NECAB1: variants seen among roughly 807,000 people sequenced by gnomAD.
NECAB1 encodes N-terminal EF-hand calcium-binding protein 1.
In NECAB1, 29 loss-of-function variants were observed where a neutral mutation model predicts 57.5. That is an observed-to-expected ratio of 0.50 (90% confidence interval 0.38 to 0.69). The LOEUF is 0.69. NECAB1 is among the 30% of genes least tolerant of loss of function. The probability of loss-of-function intolerance (pLI) is 0.00; values close to 1 mark genes in which losing one functional copy is unlikely to be tolerated. For synonymous variants in NECAB1, 142 were observed against 147.7 expected, an observed-to-expected ratio of 0.96 and a Z score of 0.28; for missense variants, 372 against 413.8, an observed-to-expected ratio of 0.90 and a Z score of 0.88.
At chr8:90,853,889 G>A (rs367569205) in intron 3 of NECAB1, among the ~76,000 whole-genome samples, 47 of 152,028 alleles carry the variant, frequency 3.1e-4, no homozygotes, top group African/African-American at 1.1e-3. Context: ...AGGGATTTAT[G>A]TAGTGGGTAA....
chr8:90,940,654 T>C lies in NECAB1; in HGVS notation c.748-132T>C, dbSNP rs942195397. The C allele has an allele frequency of 1.1e-5, 7 of 666,552 alleles. No homozygotes were observed. In the African/African-American group the frequency reaches 1.1e-4, roughly 10 times the overall value. The allele number at this position is 666,552 out of a possible 1,614,324, so 41.3% of individuals were successfully genotyped here. A position where few individuals can be genotyped will look rare whatever the true frequency, so the allele number is the denominator to read the frequency against. On this transcript the variant is annotated intron_variant, in intron 9 of 12. Transcript: ENST00000417640. The stretch of plus-strand genomic sequence containing the variant: ...TACAGTTTTATACTTGGAATAGTCA[T>C]GGCCTTCCTTGGTCATATTTTTGGA...
intron 8 of NECAB1, among the ~76,000 whole-genome samples, chr8:90,933,433 G>T (rs1280416279): frequency 2.0e-5 from 3 of 152,162 alleles, no homozygotes; most frequent in Non-Finnish European, 2.9e-5. Context: ...GTAGCAACCT[G>T]GATGGGACTG....
intron 5 of NECAB1, among the ~76,000 whole-genome samples, chr8:90,893,060 T>C (rs1417895282): frequency 1.3e-5 from 2 of 152,204 alleles, no homozygotes; most frequent in African/African-American, 2.4e-5. Context: ...TCTTGCCATA[T>C]AGTGATCCTT....
At chr8:90,948,149 C>G (rs1336123288) in intron 10 of NECAB1, among the ~76,000 whole-genome samples, 2 of 152,130 alleles carry the variant, frequency 1.3e-5, no homozygotes, top group Non-Finnish European at 1.5e-5. Context: ...CCCTTTGAAA[C>G]TATGATGAAA....
intron 5 of NECAB1, among the ~76,000 whole-genome samples, chr8:90,895,082 C>A (rs1008916646): frequency 6.6e-6 from 1 of 152,092 alleles, no homozygotes; most frequent in Admixed American, 6.6e-5. Context: ...TGGGAACAGA[C>A]ACATATGATT....
At chr8:90,935,616 G>A (rs934684837) in intron 9 of NECAB1, among the ~76,000 whole-genome samples, 4 of 152,002 alleles carry the variant, frequency 2.6e-5, no homozygotes. Context: ...TTTGCATAGA[G>A]GAAAAACTAT....
chr8:90,935,948 C>T (rs117020604), intron 9 of NECAB1, among the ~76,000 whole-genome samples: 2,734 of 152,226 alleles, frequency 0.018, 47 homozygotes, highest in Non-Finnish European at 0.028. Context: ...TCCCTATTTC[C>T]AGCCATATAT....
chr8:90,825,907 T>C (rs900965460), intron 3 of NECAB1, among the ~76,000 whole-genome samples: 3 of 151,856 alleles, frequency 2.0e-5, no homozygotes, highest in Non-Finnish European at 4.4e-5. Flanking sequence ...TGGTACAACA[T>C]GGAACCAGCT....
chr8:90,907,041 A>G (rs1030931833), intron 5 of NECAB1, among the ~76,000 whole-genome samples: 1 of 150,206 alleles, frequency 6.7e-6, no homozygotes, highest in Non-Finnish European at 1.5e-5. Flanking sequence ...ACATGCCACC[A>G]TGCCTGGCTA....
chr8:90,816,631 T>A (rs1426546887), intron 2 of NECAB1, among the ~76,000 whole-genome samples: 1 of 151,844 alleles, frequency 6.6e-6, no homozygotes, highest in Non-Finnish European at 1.5e-5. Context: ...CAACAATCAG[T>A]TGACTATACT....
chr8:90,836,119 G>T (rs1488391630), intron 3 of NECAB1, among the ~76,000 whole-genome samples: 1 of 152,086 alleles, frequency 6.6e-6, no homozygotes, highest in Non-Finnish European at 1.5e-5. Flanking sequence ...TGTAAATGTG[G>T]ATTATTTTCA....
At chr8:90,873,131 G>A (rs1030349943) in intron 4 of NECAB1, among the ~76,000 whole-genome samples, 14 of 152,144 alleles carry the variant, frequency 9.2e-5, no homozygotes, top group Admixed American at 2.0e-4. Flanking sequence ...AACAAAATGA[G>A]CATAATCTCC....
At chr8:90,825,399 C>T (rs1389572658) in intron 3 of NECAB1, among the ~76,000 whole-genome samples, 4 of 151,836 alleles carry the variant, frequency 2.6e-5, no homozygotes, top group Admixed American at 2.0e-4. Context: ...TTTATATTCT[C>T]ACTATGCTTA....
intron 3 of NECAB1, among the ~76,000 whole-genome samples, chr8:90,848,955 CA>C (rs1397112593): frequency 2.0e-5 from 3 of 152,134 alleles, no homozygotes; most frequent in African/African-American, 7.2e-5. Context: ...CCATCTCAAT[CA>C]ATCAATAAGA....
chr8:90,958,951 G>C lies in NECAB1; in HGVS notation c.*3439G>C. 1 of 1,091,820 alleles carries C rather than the reference G, an allele frequency of 9.2e-7. No individual in the cohort carries two copies. Among genetic ancestry groups the C allele is most frequent in the Non-Finnish European group, 1.3e-6 (1 of 768,484 alleles). 67.6% of individuals were successfully genotyped at this position (1,091,820 alleles called of 1,614,324 possible). A position where few individuals can be genotyped will look rare whatever the true frequency, so the allele number is the denominator to read the frequency against. On this transcript the variant is annotated 3_prime_UTR_variant, in exon 13 of 13. Transcript: ENST00000417640. ...GTCACAGTCCATTACAGTTATTGTTGCTAGATCCACCTCATTTGCAGATGT... is the reference window on the plus strand; with the variant it reads ...GTCACAGTCCATTACAGTTATTGTTCCTAGATCCACCTCATTTGCAGATGT...
intron 5 of NECAB1, among the ~76,000 whole-genome samples, chr8:90,884,127 A>G (rs1808914320): frequency 1.3e-5 from 2 of 152,188 alleles, no homozygotes; most frequent in African/African-American, 4.8e-5. Context: ...ATTAAAATGT[A>G]TATATATTTT....
At chr8:90,853,664 A>G (rs773977888) in intron 3 of NECAB1, among the ~76,000 whole-genome samples, 3 of 152,284 alleles carry the variant, frequency 2.0e-5, no homozygotes, top group Non-Finnish European at 2.9e-5. Context: ...TCTATATTCA[A>G]TTTTATCTTT....
intron 7 of NECAB1, 102 bp downstream of exon 7, chr8:90,925,758 C>T: frequency 6.9e-7 from 1 of 1,447,990 alleles, no homozygotes; most frequent in Admixed American, 2.0e-5. Flanking sequence ...AGTAATGGAA[C>T]ACTTTCCTTA....
intron 5 of NECAB1, among the ~76,000 whole-genome samples, chr8:90,886,675 G>A (rs1809001258): frequency 6.6e-6 from 1 of 151,926 alleles, no homozygotes; most frequent in South Asian, 2.1e-4. Flanking sequence ...GAGAGCCACA[G>A]CACCTGTCTT....
Sources: allele counts gnomAD v4.1 joint callset (sites outside exome capture counted in the v4.1 genomes callset), GRCh38; gene constraint gnomAD v4.1.1; transcripts MANE v1.5; gene names NCBI Gene and HGNC (gene_info 2026-07-23, HGNC 2026-07-21).